Variants in PIP4K2B observed in about 807,000 individuals in gnomAD.
The protein encoded by PIP4K2B is phosphatidylinositol-5-phosphate 4-kinase type 2 beta.
PIP4K2B carries 3 observed loss-of-function variants against 42.0 expected under a neutral mutation model. The ratio of observed to expected loss-of-function variants is 0.07; its 90% CI spans 0.03 to 0.18. The LOEUF is 0.18. PIP4K2B is among the 10% of genes least tolerant of loss of function. The pLI is 1.00. For missense variants in PIP4K2B, 332 were observed against 562.3 expected, an observed-to-expected ratio of 0.59 and a Z score of 4.14; for synonymous variants, 204 against 210.1, an observed-to-expected ratio of 0.97 and a Z score of 0.25.
chr17:38,779,652 T>A, intron 4 of PIP4K2B, 123 bp from the exon 5 acceptor site: 1 of 789,108 alleles, frequency 1.3e-6, no homozygotes, highest in South Asian at 1.8e-5. Context: ...CCAGTAGTTC[T>A]CCAGCTGGGT....
chr17:38,777,693 G>T lies in PIP4K2B; in HGVS notation c.801C>A (p.Asp267Glu), dbSNP rs376906489. Residue 267 changes from aspartate (D) to glutamate (E), a missense_variant, in exon 7 of 10, where the codon GAC becomes GAA. This residue lies in a region of PIP4K2B where 26 missense variants were observed against 23.7 expected (regional missense o/e 1.10). Coordinates refer to ENST00000619039, the MANE Select transcript of PIP4K2B (RefSeq NM_003559.5). ...KKNFLEKLKR[D>E]VEFLAQLKIM... Reference sequence around the variant, plus strand: ...AATGAAGGTTAGTAAGTACCTCAACGTCCCGCTTCAGTTTCTCCAGGAAGT... The same window carrying T: ...AATGAAGGTTAGTAAGTACCTCAACTTCCCGCTTCAGTTTCTCCAGGAAGT... 1 of 1,607,312 alleles carries T rather than the reference G, an allele frequency of 6.2e-7. No homozygotes were observed.
At chr17:38,780,865 T>C (rs1263502714) in intron 3 of PIP4K2B, among the ~76,000 whole-genome samples, 2 of 152,170 alleles carry the variant, frequency 1.3e-5, no homozygotes, top group African/African-American at 4.8e-5. Context: ...TGTGAAAGTT[T>C]CCATCCTGAT....
intron 1 of PIP4K2B, among the ~76,000 whole-genome samples, chr17:38,796,707 A>G (rs1019805512): frequency 2.6e-5 from 4 of 152,230 alleles, no homozygotes; most frequent in African/African-American, 9.6e-5. Context: ...ATGAAAGGGT[A>G]ACTAACTTCT....
Position 38,799,502 on chromosome 17 carries a change from C to G in PIP4K2B, c.-78G>C. On this transcript the variant is annotated 5_prime_UTR_variant, in exon 1 of 10. Coordinates refer to ENST00000619039, the MANE Select transcript of PIP4K2B (RefSeq NM_003559.5). This position sits in a 1 kb window ranked among gnomAD's most constrained non-coding sequence, Gnocchi z 4.4. Reference sequence around the variant, plus strand: ...CAAGCCAGCGGCCTCAGGCCTCCCCCGGACCGATCCCCACCCCCGCTCCCT... The same window carrying G: ...CAAGCCAGCGGCCTCAGGCCTCCCCGGGACCGATCCCCACCCCCGCTCCCT... 3 of 1,386,618 alleles carry G rather than the reference C, an allele frequency of 2.2e-6. No homozygotes were observed. Among genetic ancestry groups the G allele is most frequent in the Non-Finnish European group, 1.9e-6 (2 of 1,077,420 alleles). 85.9% of individuals were successfully genotyped at this position (1,386,618 alleles called of 1,614,324 possible). A position where few individuals can be genotyped will look rare whatever the true frequency, so the allele number is the denominator to read the frequency against.
chr17:38,779,364 C>A lies in PIP4K2B; in HGVS notation c.654+19G>T. On this transcript the variant is annotated intron_variant, in intron 5 of 9. Transcript: ENST00000619039. ...AGATAGAGGGGAGGCACAGCTCCGGCAAACACAGAGCCCTTTACCTTGAGG... is the reference window on the plus strand; with the variant it reads ...AGATAGAGGGGAGGCACAGCTCCGGAAAACACAGAGCCCTTTACCTTGAGG... 1 of 1,592,872 alleles carries A rather than the reference C, an allele frequency of 6.3e-7. No homozygotes were observed. Among genetic ancestry groups the A allele is most frequent in the African/African-American group, 1.3e-5 (1 of 74,646 alleles).
At chr17:38,774,668 G>A (rs1276962766) in intron 7 of PIP4K2B, among the ~76,000 whole-genome samples, 1 of 151,954 alleles carries the variant, frequency 6.6e-6, no homozygotes, top group African/African-American at 2.4e-5. Context: ...TACTCGGGAG[G>A]CTGAGGCAGG....
chr17:38,794,609 T>TAAAA (rs34374571), intron 1 of PIP4K2B, among the ~76,000 whole-genome samples: 12 of 34,226 alleles, frequency 3.5e-4, no homozygotes, highest in African/African-American at 4.3e-4. Flanking sequence ...CCCAATTCAT[T>TAAAA]AAAAAAAAAA....
chr17:38,783,925 G>A lies in PIP4K2B; in HGVS notation c.354+318C>T, dbSNP rs542785133. Among the ~76,000 whole-genome samples, 6 of 152,202 alleles carry A rather than the reference G, an allele frequency of 3.9e-5. No individual in the cohort carries two copies. The East Asian group carries it at 5.8e-4, about 15-fold the overall frequency. On this transcript the variant is annotated intron_variant, in intron 3 of 9. Transcript: ENST00000619039. ...CCAGTTCTCTTTGAAGTCAAACTACGAATGAGAAGGGTTCTTCAGCCTAGA... is the reference window on the plus strand; with the variant it reads ...CCAGTTCTCTTTGAAGTCAAACTACAAATGAGAAGGGTTCTTCAGCCTAGA...
At chr17:38,782,298 C>A (rs979527389) in intron 3 of PIP4K2B, among the ~76,000 whole-genome samples, 1 of 152,232 alleles carries the variant, frequency 6.6e-6, no homozygotes, top group Non-Finnish European at 1.5e-5. Flanking sequence ...TATAGGGTCC[C>A]CTCCCTGAGC....
chr17:38,793,954 T>C (rs1310802653), intron 1 of PIP4K2B, among the ~76,000 whole-genome samples: 1 of 151,618 alleles, frequency 6.6e-6, no homozygotes, highest in East Asian at 1.9e-4. Context: ...GGAGAGAAAT[T>C]GAGCAGACTA....
rs571040422 is a variant in PIP4K2B at position 38,796,724 on chromosome 17, G to C, written c.159+2542C>G. Among the ~76,000 whole-genome samples, 4 of 152,266 alleles carry C rather than the reference G, an allele frequency of 2.6e-5. No homozygotes were observed. In the South Asian group the frequency reaches 8.3e-4, roughly 32 times the overall value. ...GAAAGGGTAACTAACTTCTGCTGTA[G>C]ATAAAGACATATCCATCCTTCCTAT... On this transcript the variant is annotated intron_variant, in intron 1 of 9. Coordinates refer to ENST00000619039, the MANE Select transcript of PIP4K2B (RefSeq NM_003559.5).
rs1363688392 is a variant in PIP4K2B at position 38,780,490 on chromosome 17, C to T, written c.469G>A (p.Val157Met). 2.5e-6 allele frequency: 4 copies of T among 1,613,554 alleles called. No individual in the cohort carries two copies. The highest frequency in any genetic ancestry group is 2.5e-6 in the Non-Finnish European group (3 of 1,179,494). Residue 157 changes from valine (V) to methionine (M), a missense_variant, in exon 4 of 10, where the codon GTG (valine) becomes ATG (methionine). By Grantham distance (21) the Val-to-Met change is conservative (BLOSUM62 1). Around this residue, in one of 6 missense-constraint regions of PIP4K2B, gnomAD observed 186 missense variants for 288.4 expected, o/e 0.64. Coordinates refer to ENST00000619039, the MANE Select transcript of PIP4K2B (RefSeq NM_003559.5). ...TTTAAGATGTTGTGCATCTCCGCCA[C>T]GTCCTCGCTGGACACAGTCTTGATG... ...FVIKTVSSED[V>M]AEMHNILKKY... is the part of the protein sequence containing the mutation.
At chr17:38,776,709 T>C (rs911487565) in intron 7 of PIP4K2B, 14 of 385,994 alleles carry the variant, frequency 3.6e-5, no homozygotes, top group Admixed American at 2.5e-4. Flanking sequence ...AAATTTTTTT[T>C]CCCAAGTTTG....
chr17:38,770,308 C>T, intron 9 of PIP4K2B, 128 bp downstream of exon 9: 1 of 678,454 alleles, frequency 1.5e-6, no homozygotes, highest in Admixed American at 2.3e-5. Flanking sequence ...AGTCTGCTCT[C>T]CTGGGAAGAA....
At chr17:38,792,468 A>T (rs1043983119) in intron 1 of PIP4K2B, among the ~76,000 whole-genome samples, 1 of 152,202 alleles carries the variant, frequency 6.6e-6, no homozygotes, top group Non-Finnish European at 1.5e-5. Context: ...TAAAAAAAAG[A>T]AGAAAATTCT....
chr17:38,791,660 C>T (rs1910349653), intron 1 of PIP4K2B, among the ~76,000 whole-genome samples: 2 of 150,498 alleles, frequency 1.3e-5, no homozygotes, highest in Admixed American at 1.3e-4. Flanking sequence ...CCACCTGCCT[C>T]GGCCTCCCAA....
rs144969051 is a variant in PIP4K2B, at chr17:38,793,286, C to T, written c.159+5980G>A. ...TTGAGACGGAGTTTTGCTCGTCACC[C>T]AGGCTGGAGTGCAATGCCGCCATCT... On this transcript the variant is annotated intron_variant, in intron 1 of 9. Coordinates refer to ENST00000619039, the MANE Select transcript of PIP4K2B (RefSeq NM_003559.5). Among the ~76,000 whole-genome samples the T allele has an allele frequency of 4.6e-3, 689 of 151,190 alleles. 6 individuals are homozygous for T. Among genetic ancestry groups the T allele is most frequent in the African/African-American group, 0.016 (667 of 41,116 alleles).
intron 5 of PIP4K2B, 57 bp downstream of exon 5, chr17:38,779,326 C>T: frequency 6.5e-7 from 1 of 1,536,482 alleles, no homozygotes; most frequent in South Asian, 1.1e-5. Context: ...GAGTAGTGGC[C>T]CCTTCGGGGC....
intron 2 of PIP4K2B, among the ~76,000 whole-genome samples, chr17:38,785,428 T>C (rs901124864): frequency 5.3e-5 from 8 of 152,124 alleles, no homozygotes; most frequent in Non-Finnish European, 1.2e-4. Context: ...TCCCAGTACT[T>C]TGGGAGGCCG....
Sources: allele counts gnomAD v4.1 joint callset (sites outside exome capture counted in the v4.1 genomes callset), GRCh38; gene constraint gnomAD v4.1.1; regional missense constraint gnomAD v4.1.1; non-coding constraint Gnocchi (gnomAD v3.1); transcripts MANE v1.5; gene names NCBI Gene and HGNC (gene_info 2026-07-23, HGNC 2026-07-21).